Variants in SIPA1L2 observed in about 807,000 individuals in gnomAD.
SIPA1L2 encodes signal-induced proliferation-associated 1-like protein 2.
SIPA1L2 carries 56 observed loss-of-function variants against 163.9 expected under a neutral mutation model. The ratio of observed to expected loss-of-function variants is 0.34; its 90% CI spans 0.28 to 0.43. The LOEUF (loss-of-function observed/expected upper bound fraction) is 0.43. SIPA1L2 is among the 20% of genes least tolerant of loss of function. SIPA1L2 has a pLI of 1.00. For missense variants in SIPA1L2, 1,974 were observed against 2,193.5 expected (o/e 0.90, Z 2.00); for synonymous variants, 877 against 865.7 (o/e 1.01, Z -0.23).
intron 1 of SIPA1L2, among the ~76,000 whole-genome samples, chr1:232,621,749 T>C (rs75758044): frequency 6.7e-6 from 1 of 148,942 alleles, no homozygotes; most frequent in Non-Finnish European, 1.5e-5. Flanking sequence ...TTTTTTTTTT[T>C]GTGACAGGGT....
At chr1:232,572,760 T>TACACAC in intron 2 of SIPA1L2, among the ~76,000 whole-genome samples, 1 of 81,082 alleles carries the variant, frequency 1.2e-5, no homozygotes, top group East Asian at 4.2e-4. Flanking sequence ...TATATATATA[T>TACACAC]ATATATATAT....
At chr1:232,579,382 T>A (rs930671160) in intron 1 of SIPA1L2, among the ~76,000 whole-genome samples, 19 of 152,236 alleles carry the variant, frequency 1.2e-4, no homozygotes, top group Non-Finnish European at 2.5e-4. Flanking sequence ...CCCAAAACAC[T>A]CCGGTCTAGA....
At chr1:232,585,833 G>A (rs142433696) in intron 1 of SIPA1L2, among the ~76,000 whole-genome samples, 45 of 152,282 alleles carry the variant, frequency 3.0e-4, no homozygotes, top group Non-Finnish European at 5.7e-4. Flanking sequence ...GGCAGGTTTG[G>A]TAATAACACA....
At chr1:232,498,768 A>G (rs1558224827) in intron 3 of SIPA1L2, among the ~76,000 whole-genome samples, 1 of 152,168 alleles carries the variant, frequency 6.6e-6, no homozygotes, top group Non-Finnish European at 1.5e-5. Context: ...GATTGCATTT[A>G]GGTCCCAGCC....
intron 2 of SIPA1L2, among the ~76,000 whole-genome samples, chr1:232,528,102 A>ATATATATATAT (rs34779799): frequency 3.0e-4 from 35 of 118,450 alleles, no homozygotes; most frequent in African/African-American, 5.5e-4. Flanking sequence ...ATATATATAT[A>ATATATATATAT]ATCAACTTTC....
chr1:232,409,442 T>C (rs1159505399), intron 19 of SIPA1L2, among the ~76,000 whole-genome samples: 1 of 152,144 alleles, frequency 6.6e-6, no homozygotes, highest in Non-Finnish European at 1.5e-5. Flanking sequence ...TGCCAACAAC[T>C]CCTCCCTGTG....
chr1:232,512,817 A>G (rs1452474900), intron 3 of SIPA1L2, among the ~76,000 whole-genome samples: 1 of 152,130 alleles, frequency 6.6e-6, no homozygotes, highest in Admixed American at 6.6e-5. Flanking sequence ...AAAAAAATAA[A>G]TAAATAAAAG....
intron 18 of SIPA1L2, among the ~76,000 whole-genome samples, chr1:232,423,202 G>T (rs1052103239): frequency 6.6e-6 from 1 of 152,168 alleles, no homozygotes; most frequent in Non-Finnish European, 1.5e-5. Context: ...GTACGTTTAA[G>T]GTAGGCTAGG....
intron 1 of SIPA1L2, among the ~76,000 whole-genome samples, chr1:232,576,107 T>A (rs1573110738): frequency 6.6e-6 from 1 of 152,166 alleles, no homozygotes; most frequent in Admixed American, 6.5e-5. Flanking sequence ...CACAACAGTC[T>A]CAATCTACGT....
chr1:232,483,555 G>A (rs1336524439), intron 6 of SIPA1L2, among the ~76,000 whole-genome samples: 1 of 152,176 alleles, frequency 6.6e-6, no homozygotes, highest in Non-Finnish European at 1.5e-5. Context: ...GAATCTCTCT[G>A]CTGGTGTTAC....
At chr1:232,463,099 A>T (rs761000410) in intron 9 of SIPA1L2, among the ~76,000 whole-genome samples, 2 of 152,228 alleles carry the variant, frequency 1.3e-5, no homozygotes, top group Admixed American at 6.5e-5. Context: ...AAGTATTTCA[A>T]GATGGCAATG....
At chr1:232,401,009 C>T (rs1441363250) in intron 22 of SIPA1L2, among the ~76,000 whole-genome samples, 1 of 152,198 alleles carries the variant, frequency 6.6e-6, no homozygotes, top group African/African-American at 2.4e-5. Flanking sequence ...CCAACACCTC[C>T]AACCCAGCCA....
At chr1:232,407,220 A>C (rs1415971074) in intron 19 of SIPA1L2, among the ~76,000 whole-genome samples, 2 of 152,232 alleles carry the variant, frequency 1.3e-5, no homozygotes, top group Non-Finnish European at 2.9e-5. Context: ...TGGATTTACT[A>C]TTCCAAATTT....
At chr1:232,451,403 A>T (rs939979487) in intron 10 of SIPA1L2, among the ~76,000 whole-genome samples, 1 of 152,140 alleles carries the variant, frequency 6.6e-6, no homozygotes, top group Non-Finnish European at 1.5e-5. Flanking sequence ...ACCCCAGCTC[A>T]TGTGGAGTGT....
At chr1:232,502,151 G>C (rs202160335) in intron 3 of SIPA1L2, among the ~76,000 whole-genome samples, 7 of 152,194 alleles carry the variant, frequency 4.6e-5, no homozygotes, top group African/African-American at 1.7e-4. Flanking sequence ...GCTTAACCTT[G>C]GGTTAGTTAC....
intron 2 of SIPA1L2, among the ~76,000 whole-genome samples, chr1:232,537,222 G>A (rs762489870): frequency 2.6e-5 from 4 of 152,076 alleles, no homozygotes; most frequent in Non-Finnish European, 5.9e-5. Flanking sequence ...GGGTGACAAC[G>A]TGAGACCCTG....
At chr1:232,458,405 A>C (rs896971109) in intron 10 of SIPA1L2, among the ~76,000 whole-genome samples, 2 of 152,244 alleles carry the variant, frequency 1.3e-5, no homozygotes, top group Non-Finnish European at 2.9e-5. Context: ...TAGCTGAAAA[A>C]CAATTCAATA....
At chr1:232,588,979 T>C (rs1660824647) in intron 1 of SIPA1L2, among the ~76,000 whole-genome samples, 1 of 152,060 alleles carries the variant, frequency 6.6e-6, no homozygotes, top group Non-Finnish European at 1.5e-5. Context: ...TTGATAGAAC[T>C]CACATAAACA....
chr1:232,525,244 T>TG (rs1667642232), intron 2 of SIPA1L2, among the ~76,000 whole-genome samples: 2 of 144,454 alleles, frequency 1.4e-5, no homozygotes, highest in Admixed American at 1.4e-4. Flanking sequence ...TTTTTTTTTT[T>TG]TTTTTTTTGG....
Sources: allele counts gnomAD v4.1 joint callset (sites outside exome capture counted in the v4.1 genomes callset), GRCh38; gene constraint gnomAD v4.1.1; transcripts MANE v1.5; gene names NCBI Gene and HGNC (gene_info 2026-07-23, HGNC 2026-07-21).